The following TMPRSS11D variants were observed in gnomAD, a reference collection of about 807,000 sequenced individuals.
TMPRSS11D encodes the protein transmembrane serine protease 11D.
In TMPRSS11D, 32 loss-of-function variants were observed where a neutral mutation model predicts 44.4. That is an observed-to-expected ratio of 0.72 (90% CI 0.54 to 0.97). TMPRSS11D has a LOEUF of 0.97. TMPRSS11D is among the 50% of genes least tolerant of loss of function. The pLI is 0.00. For missense variants in TMPRSS11D, 446 were observed against 502.6 expected (o/e 0.89, Z 1.08); for synonymous variants, 179 against 177.9 (o/e 1.01, Z -0.05).
At chr4:67,830,675 CTT>C (rs761188870) in intron 7 of TMPRSS11D, among the ~76,000 whole-genome samples, 1 of 152,000 alleles carries the variant, frequency 6.6e-6, no homozygotes, top group African/African-American at 2.4e-5. Context: ...TGAAGAGACT[CTT>C]TTTTCTTTCC....
chr4:67,846,942 G>C (rs937898365), intron 3 of TMPRSS11D, among the ~76,000 whole-genome samples: 2 of 149,868 alleles, frequency 1.3e-5, no homozygotes. Flanking sequence ...GTCTCACTCT[G>C]TTGCCCAGGC....
chr4:67,822,687 C>T (rs1717678841), intron 9 of TMPRSS11D, among the ~76,000 whole-genome samples, 189 bp from the exon 10 acceptor site: 1 of 152,184 alleles, frequency 6.6e-6, no homozygotes, highest in Admixed American at 6.5e-5. Flanking sequence ...CAAGTCATTC[C>T]TTCAGCAAGT....
At chr4:67,845,923 A>G (rs1389532086) in intron 3 of TMPRSS11D, among the ~76,000 whole-genome samples, 1 of 152,210 alleles carries the variant, frequency 6.6e-6, no homozygotes, top group Non-Finnish European at 1.5e-5. Flanking sequence ...TATAATTGTC[A>G]CATATTTTTC....
chr4:67,860,206 C>T (rs989153378), intron 1 of TMPRSS11D, among the ~76,000 whole-genome samples: 1 of 152,004 alleles, frequency 6.6e-6, no homozygotes, highest in Non-Finnish European at 1.5e-5. Context: ...TAAAAATCGG[C>T]AGAGGCATAG....
chr4:67,835,056 C>T (rs2109665565), intron 6 of TMPRSS11D, 27 bp downstream of exon 6: 1 of 1,606,974 alleles, frequency 6.2e-7, no homozygotes, highest in Non-Finnish European at 8.5e-7. Flanking sequence ...TGGCAAATTA[C>T]AGTTACAAAA....
At chr4:67,823,614 G>A (rs9985834) in intron 9 of TMPRSS11D, among the ~76,000 whole-genome samples, 122,952 of 152,016 alleles carry the variant, frequency 0.81, 50,365 homozygotes, top group Middle Eastern at 0.91. Flanking sequence ...GTGCTTCTAA[G>A]TTAGTCAGCT....
chr4:67,870,988 T>G (rs889222295), intron 1 of TMPRSS11D, among the ~76,000 whole-genome samples: 1 of 152,192 alleles, frequency 6.6e-6, no homozygotes, highest in Non-Finnish European at 1.5e-5. Flanking sequence ...TTATGTTCCT[T>G]CCTTCCTACC....
At chr4:67,877,263 A>G (rs936870585) in intron 1 of TMPRSS11D, among the ~76,000 whole-genome samples, 1 of 152,108 alleles carries the variant, frequency 6.6e-6, no homozygotes, top group Admixed American at 6.5e-5. Flanking sequence ...AGTTGATCTC[A>G]TTCAGTCAGT....
Position 67,859,816 on chromosome 4 carries a change from A to G in TMPRSS11D, c.9-138T>C. On this transcript the variant is annotated intron_variant, in intron 1 of 9. Coordinates refer to ENST00000283916, the MANE Select transcript of TMPRSS11D (RefSeq NM_004262.3). ...TAGCCATAGAAACATATTCGTAGATATGAAACTGAACTTAACAAGGCTGTC... is the reference window on the plus strand; with the variant it reads ...TAGCCATAGAAACATATTCGTAGATGTGAAACTGAACTTAACAAGGCTGTC... 2.5e-6 allele frequency: 3 copies of G among 1,208,176 alleles called. No homozygotes were observed. The South Asian group carries it at 5.6e-5, about 23-fold the overall frequency. The allele number at this position is 1,208,176 out of a possible 1,614,324, so 74.8% of individuals were successfully genotyped here.
intron 5 of TMPRSS11D, 127 bp from the exon 6 acceptor site, chr4:67,835,248 C>T (rs1718048941): frequency 2.6e-6 from 2 of 766,626 alleles, no homozygotes; most frequent in African/African-American, 1.8e-5. Context: ...AGGTGGTCCT[C>T]TAAAATGCAG....
In TMPRSS11D at chr4:67,877,582, A is replaced by G. The variant is rs1560551621; in HGVS notation, c.8+6344T>C. ...CAGCATTTGCAAAGCTGAATTGATC[A>G]TCTTCTTTCTGATTCTCACAACCTT... On this transcript the variant is annotated intron_variant, in intron 1 of 9. Transcript: ENST00000283916. Among the ~76,000 whole-genome samples, 3 of 152,194 alleles carry G rather than the reference A, an allele frequency of 2.0e-5. No individual in the cohort carries two copies. The East Asian group carries it at 5.8e-4, about 29-fold the overall frequency.
intron 3 of TMPRSS11D, among the ~76,000 whole-genome samples, chr4:67,850,821 C>T (rs1718487620): frequency 6.6e-6 from 1 of 152,198 alleles, no homozygotes; most frequent in African/African-American, 2.4e-5. Flanking sequence ...CAATGCCTGA[C>T]ATTTTTAGCA....
chr4:67,854,020 A>G, intron 3 of TMPRSS11D, 48 bp downstream of exon 3: 1 of 1,105,724 alleles, frequency 9.0e-7, no homozygotes, highest in Non-Finnish European at 1.3e-6. Context: ...GTTTATTATC[A>G]TATTCATTTT....
chr4:67,825,624 G>A (rs1200364645), intron 9 of TMPRSS11D, 108 bp downstream of exon 9: 1 of 1,197,090 alleles, frequency 8.4e-7, no homozygotes, highest in Non-Finnish European at 1.1e-6. Flanking sequence ...TAGAGGAACA[G>A]GGCTGTGTAT....
At position 67,831,304 on chromosome 4, in the gene TMPRSS11D, G is replaced by T. The variant is rs180831938; in HGVS notation, c.692+1900C>A. On this transcript the variant is annotated intron_variant, in intron 7 of 9. Coordinates refer to ENST00000283916, the MANE Select transcript of TMPRSS11D (RefSeq NM_004262.3). ...CTTCTATGTACTTTGATGTAAGGCT[G>T]GTCATGCCCCAAACAAATCCTCACT... Among the ~76,000 whole-genome samples the T allele has an allele frequency of 2.6e-5, 4 of 152,146 alleles. No homozygotes were observed. In the East Asian group the frequency reaches 7.7e-4, roughly 29 times the overall value.
rs530433167 is a variant in TMPRSS11D at position 67,854,330 on chromosome 4, T to C, written c.131-144A>G. The C allele has an allele frequency of 1.0e-5, 5 of 479,712 alleles. No individual in the cohort carries two copies. In the East Asian group the frequency reaches 1.8e-4, roughly 18 times the overall value. The allele number at this position is 479,712 out of a possible 1,614,324, so 29.7% of individuals were successfully genotyped here. On this transcript the variant is annotated intron_variant, in intron 2 of 9. Transcript: ENST00000283916. Reference sequence around the variant, plus strand: ...AAAAAGTTCTATGCTTCAGTGTAATTATGATAAAATTATTATCTTTTCAAT... The same window carrying C: ...AAAAAGTTCTATGCTTCAGTGTAATCATGATAAAATTATTATCTTTTCAAT...
At chr4:67,838,512 T>A (rs2109669109) in intron 4 of TMPRSS11D, among the ~76,000 whole-genome samples, 183 bp from the exon 5 acceptor site, 1 of 152,208 alleles carries the variant, frequency 6.6e-6, no homozygotes, top group East Asian at 1.9e-4. Context: ...ACTTATTTGA[T>A]TTCAATGCAC....
At position 67,869,986 on chromosome 4, in the gene TMPRSS11D, G is replaced by A. The variant is rs112293988; in HGVS notation, c.9-10308C>T. Among the ~76,000 whole-genome samples the A allele has an allele frequency of 7.0e-4, 107 of 152,220 alleles. 2 individuals carry two copies. Among genetic ancestry groups the A allele is most frequent in the African/African-American group, 2.5e-3 (104 of 41,528 alleles). On this transcript the variant is annotated intron_variant, in intron 1 of 9. Transcript: ENST00000283916. ...CCTCCCCTGCCAAAAATGGAAGGAA[G>A]TCTCTAATTAAAAAAGATGGTTTTG...
chr4:67,853,466 T>G (rs774193351), intron 3 of TMPRSS11D, among the ~76,000 whole-genome samples: 3 of 152,244 alleles, frequency 2.0e-5, no homozygotes, highest in Non-Finnish European at 2.9e-5. Context: ...AAGGTAAGGG[T>G]AAGTGAGTGA....
Sources: allele counts gnomAD v4.1 joint callset (sites outside exome capture counted in the v4.1 genomes callset), GRCh38; gene constraint gnomAD v4.1.1; transcripts MANE v1.5; gene names NCBI Gene and HGNC (gene_info 2026-07-23, HGNC 2026-07-21).